Variants in LRFN5 observed in about 807,000 individuals in gnomAD.
LRFN5 encodes leucine-rich repeat and fibronectin type-III domain-containing protein 5.
LRFN5 carries 24 observed loss-of-function variants against 45.6 expected under a neutral mutation model. That is an observed-to-expected ratio of 0.53 (90% CI 0.38 to 0.74). The LOEUF (loss-of-function observed/expected upper bound fraction) is 0.74, where lower values mean the gene tolerates loss of function less well. Among genes scored for constraint, LRFN5 ranks in the 30% least tolerant of loss-of-function variants. LRFN5 has a pLI of 0.00. For synonymous variants in LRFN5, 340 were observed against 313.8 expected, an observed-to-expected ratio of 1.08 and a Z score of -0.88; for missense variants, 776 against 861.5, an observed-to-expected ratio of 0.90 and a Z score of 1.24.
chr14:41,886,381 T>C (rs1220813871), intron 2 of LRFN5, among the ~76,000 whole-genome samples: 1 of 152,188 alleles, frequency 6.6e-6, no homozygotes, highest in Non-Finnish European at 1.5e-5. Flanking sequence ...TTGACTGCTT[T>C]GTTTTTCCTA....
At chr14:41,620,206 A>G (rs1459249966) in intron 1 of LRFN5, among the ~76,000 whole-genome samples, 1 of 152,098 alleles carries the variant, frequency 6.6e-6, no homozygotes, top group Non-Finnish European at 1.5e-5. Flanking sequence ...AATTGTTAAA[A>G]AAATAATTAA....
At chr14:41,808,228 AAGGAAGGAAT>A in intron 2 of LRFN5, among the ~76,000 whole-genome samples, 1 of 137,506 alleles carries the variant, frequency 7.3e-6, no homozygotes, top group African/African-American at 2.8e-5. Flanking sequence ...GGAAGGAAGG[AAGGAAGGAAT>A]TGAGGGAGGG....
chr14:41,886,663 T>G lies in LRFN5; in HGVS notation c.38T>G (p.Ile13Arg). 1 of 1,602,390 alleles carries G rather than the reference T, an allele frequency of 6.2e-7. No individual in the cohort carries two copies. The highest frequency in any genetic ancestry group is 8.5e-7 in the Non-Finnish European group (1 of 1,176,916). Residue 13 changes from isoleucine (I) to arginine (R), a missense_variant, in exon 3 of 6, where the codon ATA (isoleucine) becomes AGA (arginine). Physicochemically the swap from Ile to Arg is moderately conservative, Grantham distance 97. This residue lies in a region of LRFN5 where 311 missense variants were observed against 405.1 expected (regional missense o/e 0.77). Transcript: ENST00000298119. ...CTTTTTTATCTGTTTCTCATTGGCATAGCAGTGAAAGCTCAGATCTGTCCA... is the reference window on the plus strand; with the variant it reads ...CTTTTTTATCTGTTTCTCATTGGCAGAGCAGTGAAAGCTCAGATCTGTCCA... The part of the protein sequence containing the change: ...KILFYLFLIG[I>R]AVKAQICPKR...
At chr14:41,785,288 T>C (rs1309281025) in intron 2 of LRFN5, among the ~76,000 whole-genome samples, 1 of 152,110 alleles carries the variant, frequency 6.6e-6, no homozygotes, top group Non-Finnish European at 1.5e-5. Flanking sequence ...GGGTTTTAAT[T>C]TTCCACTTTG....
intron 2 of LRFN5, among the ~76,000 whole-genome samples, chr14:41,862,235 A>G (rs994399066): frequency 2.6e-5 from 4 of 152,174 alleles, no homozygotes; most frequent in Non-Finnish European, 5.9e-5. Context: ...TCTCTTCCAA[A>G]TAAGCAAACC....
At chr14:41,795,418 C>G (rs986327852) in intron 2 of LRFN5, among the ~76,000 whole-genome samples, 3 of 152,076 alleles carry the variant, frequency 2.0e-5, no homozygotes, top group Non-Finnish European at 4.4e-5. Flanking sequence ...CCAGCGATCC[C>G]ATTACTGGGT....
chr14:41,675,351 G>C (rs367913302), intron 1 of LRFN5, among the ~76,000 whole-genome samples: 1 of 152,368 alleles, frequency 6.6e-6, no homozygotes, highest in African/African-American at 2.4e-5. Context: ...CTGCAATCCC[G>C]GCACCTCGGG....
intron 2 of LRFN5, among the ~76,000 whole-genome samples, chr14:41,774,997 C>A (rs1239494161): frequency 1.3e-5 from 2 of 151,390 alleles, no homozygotes; most frequent in Non-Finnish European, 2.9e-5. Context: ...ACTGACTCAA[C>A]ATAAAAACAC....
At chr14:41,899,100 G>A in intron 5 of LRFN5, 140 bp downstream of exon 5, 3 of 661,640 alleles carry the variant, frequency 4.5e-6, no homozygotes, top group Non-Finnish European at 7.3e-6. Flanking sequence ...ATTCTCAACA[G>A]TGAAGATTGA....
At chr14:41,755,169 A>C (rs1885317577) in intron 1 of LRFN5, among the ~76,000 whole-genome samples, 1 of 152,142 alleles carries the variant, frequency 6.6e-6, no homozygotes, top group Admixed American at 6.5e-5. Flanking sequence ...TTTGCTGAGG[A>C]GAGCTTTACT....
intron 1 of LRFN5, among the ~76,000 whole-genome samples, chr14:41,761,158 A>G (rs971962885): frequency 5.9e-5 from 9 of 152,144 alleles, no homozygotes; most frequent in African/African-American, 2.2e-4. Context: ...ATCCAATAAC[A>G]TTCACAGTGA....
intron 1 of LRFN5, among the ~76,000 whole-genome samples, chr14:41,620,025 G>A (rs151223866): frequency 6.6e-6 from 1 of 151,972 alleles, no homozygotes; most frequent in African/African-American, 2.4e-5. Context: ...ATAGCATGAT[G>A]GCTCTTTTAA....
At chr14:41,781,370 T>A (rs990434968) in intron 2 of LRFN5, among the ~76,000 whole-genome samples, 1 of 151,662 alleles carries the variant, frequency 6.6e-6, no homozygotes, top group Non-Finnish European at 1.5e-5. Context: ...AAATAGACAG[T>A]GCCTATATAC....
chr14:41,690,157 T>A (rs1393493265), intron 1 of LRFN5, among the ~76,000 whole-genome samples: 1 of 152,094 alleles, frequency 6.6e-6, no homozygotes, highest in Non-Finnish European at 1.5e-5. Context: ...GCAATATTTT[T>A]AAAAAGTTTG....
At chr14:41,655,023 T>C (rs914946162) in intron 1 of LRFN5, among the ~76,000 whole-genome samples, 1 of 152,088 alleles carries the variant, frequency 6.6e-6, no homozygotes, top group African/African-American at 2.4e-5. Context: ...TCTTCATCTC[T>C]AAAGGATGTA....
At chr14:41,636,995 C>G (rs575466618) in intron 1 of LRFN5, among the ~76,000 whole-genome samples, 1 of 152,278 alleles carries the variant, frequency 6.6e-6, no homozygotes, top group South Asian at 2.1e-4. Flanking sequence ...GAATGAGAAA[C>G]TAAGTCTTGA....
intron 2 of LRFN5, among the ~76,000 whole-genome samples, chr14:41,780,514 T>C (rs1250633752): frequency 2.0e-5 from 3 of 152,076 alleles, no homozygotes; most frequent in Admixed American, 6.6e-5. Context: ...TTCTTTTGAT[T>C]AGTGTTAGTA....
At chr14:41,825,071 G>C (rs1888247126) in intron 2 of LRFN5, among the ~76,000 whole-genome samples, 2 of 152,052 alleles carry the variant, frequency 1.3e-5, no homozygotes, top group African/African-American at 4.8e-5. Context: ...AAGTTCTTTT[G>C]TTAGCCCAGA....
At chr14:41,757,891 C>A (rs1292239386) in intron 1 of LRFN5, among the ~76,000 whole-genome samples, 1 of 152,158 alleles carries the variant, frequency 6.6e-6, no homozygotes, top group Non-Finnish European at 1.5e-5. Flanking sequence ...ATTCGGCCAT[C>A]TTGGCTCCAG....
Sources: allele counts gnomAD v4.1 joint callset (sites outside exome capture counted in the v4.1 genomes callset), GRCh38; gene constraint gnomAD v4.1.1; regional missense constraint gnomAD v4.1.1; transcripts MANE v1.5; gene names NCBI Gene and HGNC (gene_info 2026-07-23, HGNC 2026-07-21).